Variants in TNS1 observed in about 807,000 individuals in gnomAD.
TNS1 encodes the protein tensin-1.
A neutral mutation model predicts 168.6 loss-of-function variants in TNS1; 62 were observed. The observed-to-expected ratio is 0.37, with a 90% CI of 0.30 to 0.45. TNS1 has a LOEUF of 0.45. Among genes scored for constraint, TNS1 ranks in the 20% least tolerant of loss-of-function variants. The pLI, the probability that TNS1 is intolerant of heterozygous loss-of-function variation, is 1.00. For missense variants in TNS1, 2,240 were observed against 2,339.4 expected (o/e 0.96, Z 0.88); for synonymous variants, 934 against 933.2 (o/e 1.00, Z -0.02).
intron 1 of TNS1, among the ~76,000 whole-genome samples, chr2:217,999,382 G>A (rs564287442): frequency 6.6e-6 from 1 of 152,342 alleles, no homozygotes; most frequent in Admixed American, 6.5e-5. Flanking sequence ...GGTAGGTGGG[G>A]AAACCAAAGC....
intron 19 of TNS1, among the ~76,000 whole-genome samples, chr2:217,838,528 C>T (rs576528422): frequency 3.5e-4 from 53 of 152,376 alleles, no homozygotes; most frequent in African/African-American, 1.2e-3. Flanking sequence ...CTCCAAAGAG[C>T]TAAGGAGCTG....
rs1937495783 is a variant in TNS1 at position 217,801,574 on chromosome 2, A to T, written c.*2885T>A. On this transcript the variant is annotated 3_prime_UTR_variant, in exon 33 of 33. Coordinates refer to ENST00000682258, the MANE Select transcript of TNS1 (RefSeq NM_001387777.1). Reference sequence around the variant, plus strand: ...ACACACAGATTCAACAATAAACAACAGTAAAATAGATTCAGGGAGGGAGAA... The same window carrying T: ...ACACACAGATTCAACAATAAACAACTGTAAAATAGATTCAGGGAGGGAGAA... 6.6e-6 allele frequency: 1 copy of T among 152,270 alleles called. No homozygotes were observed. Among genetic ancestry groups the T allele is most frequent in the Non-Finnish European group, 1.5e-5 (1 of 68,056 alleles). 9.4% of individuals were successfully genotyped at this position (152,270 alleles called of 1,614,324 possible). A position where few individuals can be genotyped will look rare whatever the true frequency, so the allele number is the denominator to read the frequency against.
At chr2:217,823,821 G>T (rs1278233428) in intron 22 of TNS1, among the ~76,000 whole-genome samples, 1 of 152,162 alleles carries the variant, frequency 6.6e-6, no homozygotes, top group African/African-American at 2.4e-5. Context: ...CAGGCACCTC[G>T]GCACCCAAAG....
In TNS1 at chr2:217,849,565, G is replaced by A. The variant is rs554771743; in HGVS notation, c.1430-478C>T. On this transcript the variant is annotated intron_variant, in intron 18 of 32. Transcript: ENST00000682258. ...GACCAGTTCCTGGCACGTGATGGGA[G>A]TTCAACAGCTGGGAGCCCTAACCAT... 2.2e-5 allele frequency: 18 copies of A among 825,646 alleles called. No individual in the cohort carries two copies. The African/African-American group carries it at 3.3e-4, about 15-fold the overall frequency. 51.1% of individuals were successfully genotyped at this position (825,646 alleles called of 1,614,324 possible). A position where few individuals can be genotyped will look rare whatever the true frequency, so the allele number is the denominator to read the frequency against.
At chr2:217,877,953 A>G (rs564995665) in intron 18 of TNS1, among the ~76,000 whole-genome samples, 30 of 152,136 alleles carry the variant, frequency 2.0e-4, no homozygotes, top group Non-Finnish European at 4.1e-4. Context: ...GGCCTCTACT[A>G]TCACCCTCCC....
rs1219411306 is a variant in TNS1, at chr2:217,847,698, G to T, written c.2819C>A (p.Ala940Asp). The T allele has an allele frequency of 6.2e-7, 1 of 1,604,870 alleles. No individual in the cohort carries two copies. Among genetic ancestry groups the T allele is most frequent in the African/African-American group, 1.3e-5 (1 of 74,798 alleles). ...PNQDFHSKSPASSSLPAFLPT... is the reference protein window; with the variant it reads ...PNQDFHSKSPDSSSLPAFLPT... ...AAGGAAGGCAGGCAAGGAGGAAGAG[G>T]CTGGGCTCTTTGAATGGAAATCCTG... Residue 940 changes from alanine to aspartate, a missense_variant, in exon 19 of 33, where the codon GCC becomes GAC. Transcript: ENST00000682258.
chr2:217,970,571 A>G (rs753016922), intron 3 of TNS1, among the ~76,000 whole-genome samples: 6 of 152,358 alleles, frequency 3.9e-5, no homozygotes, highest in Non-Finnish European at 7.3e-5. Flanking sequence ...CAACCATAAA[A>G]AGGGAGCTAC....
intron 3 of TNS1, among the ~76,000 whole-genome samples, chr2:217,923,933 G>T (rs1955870880): frequency 6.6e-6 from 1 of 152,100 alleles, no homozygotes; most frequent in Non-Finnish European, 1.5e-5. Context: ...CAACTTCAAA[G>T]GTCCCTGAGC....
intron 4 of TNS1, among the ~76,000 whole-genome samples, chr2:217,908,351 C>A (rs1422860893): frequency 2.0e-5 from 3 of 152,162 alleles, no homozygotes; most frequent in African/African-American, 7.2e-5. Flanking sequence ...GGATTCTGAT[C>A]CACCGTTTCC....
At chr2:217,911,427 T>C (rs2125816670) in intron 4 of TNS1, among the ~76,000 whole-genome samples, 1 of 152,126 alleles carries the variant, frequency 6.6e-6, no homozygotes, top group East Asian at 1.9e-4. Context: ...GTCCTGCGAG[T>C]GCACTTGCAT....
upstream of TNS1, among the ~76,000 whole-genome samples, chr2:218,005,656 G>T (rs976519539): frequency 6.6e-6 from 1 of 152,198 alleles, no homozygotes; most frequent in Non-Finnish European, 1.5e-5. Flanking sequence ...CCTGTGTTTT[G>T]TATCCCCAGA....
At chr2:217,809,489 A>ATGGATGGATGGACGGATGGATGGG (rs1940283553) in intron 30 of TNS1, among the ~76,000 whole-genome samples, 1 of 5,160 alleles carries the variant, frequency 1.9e-4, no homozygotes, top group African/African-American at 9.5e-4. Flanking sequence ...GGATGGATGG[A>ATGGATGGATGGACGGATGGATGGG]TGCATGGATG....
intron 18 of TNS1, chr2:217,859,562 T>C (rs1206099713): frequency 3.7e-6 from 5 of 1,345,860 alleles, no homozygotes; most frequent in Non-Finnish European, 5.1e-6. Context: ...TGCAAAGCTT[T>C]GGATTCTGGC....
At chr2:217,827,138 C>T (rs1293617139) in intron 22 of TNS1, among the ~76,000 whole-genome samples, 1 of 152,116 alleles carries the variant, frequency 6.6e-6, no homozygotes. Context: ...CTGTTGGCAT[C>T]ACTCTCCTCA....
chr2:217,924,920 G>A (rs78212604), intron 3 of TNS1, among the ~76,000 whole-genome samples: 1,825 of 152,278 alleles, frequency 0.012, 44 homozygotes, highest in African/African-American at 0.041. Context: ...CATAAGACCT[G>A]GGTTGTCTCA....
intron 31 of TNS1, 68 bp downstream of exon 31, chr2:217,808,523 ACACATGCACATG>A: frequency 7.6e-7 from 1 of 1,322,416 alleles, no homozygotes; most frequent in Admixed American, 1.7e-5. Flanking sequence ...ACACACACAC[ACACATGCACATG>A]CATGCACCCA....
intron 4 of TNS1, among the ~76,000 whole-genome samples, chr2:217,915,383 G>C (rs1291924683): frequency 2.0e-5 from 3 of 152,334 alleles, no homozygotes; most frequent in Middle Eastern, 6.8e-3. Context: ...GGACTAGATA[G>C]CGTCCAAAGT....
intron 3 of TNS1, among the ~76,000 whole-genome samples, chr2:217,930,697 A>G (rs1017728942): frequency 2.6e-5 from 4 of 152,306 alleles, no homozygotes; most frequent in Non-Finnish European, 5.9e-5. Context: ...GAGGGGCAGG[A>G]AAGTGGGGCA....
chr2:217,954,957 T>G (rs1957325664), intron 3 of TNS1, among the ~76,000 whole-genome samples: 1 of 152,082 alleles, frequency 6.6e-6, no homozygotes, highest in African/African-American at 2.4e-5. Flanking sequence ...AAAAGATCCA[T>G]GCACACACTT....
Sources: allele counts gnomAD v4.1 joint callset (sites outside exome capture counted in the v4.1 genomes callset), GRCh38; gene constraint gnomAD v4.1.1; transcripts MANE v1.5; gene names NCBI Gene and HGNC (gene_info 2026-07-23, HGNC 2026-07-21).